The following DAAM2 variants were observed in gnomAD, a reference collection of about 807,000 sequenced individuals.
DAAM2 encodes the protein dishevelled associated activator of morphogenesis 2.
A neutral mutation model predicts 120.7 loss-of-function variants in DAAM2; 39 were observed. The observed-to-expected ratio is 0.32, with a 90% confidence interval of 0.25 to 0.42. The LOEUF (loss-of-function observed/expected upper bound fraction) is 0.42, where lower values mean the gene tolerates loss of function less well. Among genes scored for constraint, DAAM2 ranks in the 10% least tolerant of loss-of-function variants. The probability of loss-of-function intolerance (pLI) is 1.00; values close to 1 mark genes in which losing one functional copy is unlikely to be tolerated. For synonymous variants in DAAM2, 488 were observed against 524.9 expected (o/e 0.93, Z 0.96); for missense variants, 1,283 against 1,401.7 (o/e 0.92, Z 1.35).
At chr6:39,805,486 C>G (rs1761982508) in intron 1 of DAAM2, among the ~76,000 whole-genome samples, 2 of 151,940 alleles carry the variant, frequency 1.3e-5, no homozygotes, top group Middle Eastern at 6.8e-3. Flanking sequence ...TACTGCAACA[C>G]ATGGATGAGG....
intron 1 of DAAM2, among the ~76,000 whole-genome samples, chr6:39,851,075 C>A (rs1763790657): frequency 6.6e-6 from 1 of 152,144 alleles, no homozygotes; most frequent in African/African-American, 2.4e-5. Context: ...ATAATAACCA[C>A]CTTATAAGGT....
At chr6:39,803,185 T>C (rs916481010) in intron 1 of DAAM2, among the ~76,000 whole-genome samples, 5 of 152,234 alleles carry the variant, frequency 3.3e-5, no homozygotes, top group African/African-American at 1.2e-4. Context: ...AATGCGTTTT[T>C]CTTGGTATAT....
chr6:39,814,466 G>A (rs1488563828), intron 1 of DAAM2, among the ~76,000 whole-genome samples: 1 of 152,206 alleles, frequency 6.6e-6, no homozygotes, highest in East Asian at 1.9e-4. Flanking sequence ...TTGGCGTTGG[G>A]TGAGCACTGT....
chr6:39,831,798 G>T (rs114938516), intron 1 of DAAM2, among the ~76,000 whole-genome samples: 2 of 62,858 alleles, frequency 3.2e-5, no homozygotes, highest in African/African-American at 9.4e-5. Context: ...GGTGCACTGG[G>T]GGGGGGCAGG....
intron 14 of DAAM2, among the ~76,000 whole-genome samples, chr6:39,881,114 T>C (rs943082560): frequency 6.6e-6 from 1 of 152,216 alleles, no homozygotes; most frequent in African/African-American, 2.4e-5. Flanking sequence ...GCAAGCAATA[T>C]TTGTGCAACA....
At chr6:39,826,539 C>G (rs903081797) in intron 1 of DAAM2, among the ~76,000 whole-genome samples, 7 of 152,110 alleles carry the variant, frequency 4.6e-5, no homozygotes, top group Non-Finnish European at 8.8e-5. Flanking sequence ...GCTGATATGC[C>G]CAATAGCTCC....
chr6:39,807,585 C>T (rs779135078), intron 1 of DAAM2, among the ~76,000 whole-genome samples: 5 of 152,124 alleles, frequency 3.3e-5, no homozygotes, highest in Non-Finnish European at 7.4e-5. Flanking sequence ...GGCGTGACCT[C>T]TTTTCACTGC....
intron 1 of DAAM2, among the ~76,000 whole-genome samples, chr6:39,796,719 G>A (rs1020862638): frequency 6.6e-6 from 1 of 151,354 alleles, no homozygotes; most frequent in African/African-American, 2.4e-5. Context: ...ATTATTTGTG[G>A]TACATCCTAT....
Position 39,888,668 on chromosome 6 carries a change from T to A in DAAM2, c.2061-11T>A, listed in dbSNP as rs1414113595. 1 of 1,611,670 alleles carries A rather than the reference T, an allele frequency of 6.2e-7. No homozygotes were observed. The highest frequency in any genetic ancestry group is 1.7e-5 in the Admixed American group (1 of 59,938). On this transcript the variant is annotated splice_polypyrimidine_tract_variant and intron_variant, in intron 16 of 24. Transcript: ENST00000274867. ...AGGGCTGTCCTGGATTGAGGTGGGG[T>A]TTTGCCTTAGGTTGAAGCTTTCTAA...
chr6:39,867,119 G>A (rs1044810255), intron 5 of DAAM2, among the ~76,000 whole-genome samples: 36 of 152,212 alleles, frequency 2.4e-4, no homozygotes, highest in African/African-American at 8.2e-4. Context: ...TTAACGCCAT[G>A]ACTTGATGAT....
rs1409295159 is a variant in DAAM2, at chr6:39,901,547, T to G, written c.2982+75T>G. On this transcript the variant is annotated intron_variant, in intron 24 of 24. Coordinates refer to ENST00000274867, the MANE Select transcript of DAAM2 (RefSeq NM_001201427.2). The surrounding 1 kb of genome is among the most constrained non-coding windows in gnomAD (Gnocchi z 4.5). ...GGGAGAACACCCCCAAACTGGGGTG[T>G]GTGGGAGGAGGGCAGAGACTGAGGA... is the stretch of plus-strand genomic sequence containing the variant. The G allele has an allele frequency of 3.0e-5, 45 of 1,498,446 alleles. No individual in the cohort carries two copies. Among genetic ancestry groups the G allele is most frequent in the Non-Finnish European group, 4.0e-5 (45 of 1,113,472 alleles). 92.8% of individuals were successfully genotyped at this position (1,498,446 alleles called of 1,614,324 possible).
At chr6:39,899,674 C>T (rs139463441) in intron 22 of DAAM2, 11 of 167,980 alleles carry the variant, frequency 6.5e-5, no homozygotes, top group East Asian at 3.6e-4. Flanking sequence ...ACTCAAAGTG[C>T]GGTACATGGA....
chr6:39,885,033 C>T (rs1765313847), intron 15 of DAAM2: 1 of 152,220 alleles, frequency 6.6e-6, no homozygotes, highest in Non-Finnish European at 1.5e-5. Context: ...GTTTTCTTTA[C>T]TTAGCCTGGG....
Position 39,818,296 on chromosome 6 carries a change from G to A in DAAM2, c.-57+25831G>A, listed in dbSNP as rs147164172. On this transcript the variant is annotated intron_variant, in intron 1 of 24. Transcript: ENST00000274867. ...AAAATTAACCCTTCATATTTTCAGC[G>A]AATGGGCCAAAGTTAGCCACATGAC... Among the ~76,000 whole-genome samples, 1,162 of 151,072 alleles carry A rather than the reference G, an allele frequency of 7.7e-3. 8 individuals are homozygous for A. Among genetic ancestry groups the A allele is most frequent in the Non-Finnish European group, 0.013 (868 of 67,902 alleles).
rs1221729464 is a variant in DAAM2, at chr6:39,901,786, T to A, written c.2983-27T>A. On this transcript the variant is annotated intron_variant, in intron 24 of 24. Transcript: ENST00000274867. This position sits in a 1 kb window ranked among gnomAD's most constrained non-coding sequence, Gnocchi z 4.5. ...GCCTCAGCGCCTCTCCCTGAGAGGG[T>A]TCCTATCTTTGGCCCCCCGCCCGCA... The A allele has an allele frequency of 3.3e-6, 5 of 1,502,228 alleles. No individual in the cohort carries two copies. In the Admixed American group the frequency reaches 1.1e-4, roughly 32 times the overall value. The allele number at this position is 1,502,228 out of a possible 1,614,324, so 93.1% of individuals were successfully genotyped here.
intron 1 of DAAM2, among the ~76,000 whole-genome samples, chr6:39,801,581 A>G (rs1761864657): frequency 6.6e-6 from 1 of 152,228 alleles, no homozygotes; most frequent in African/African-American, 2.4e-5. Flanking sequence ...TCATGACTGC[A>G]TGGCTGTCTG....
At chr6:39,857,264 A>G (rs1764046036) in intron 2 of DAAM2, among the ~76,000 whole-genome samples, 1 of 152,210 alleles carries the variant, frequency 6.6e-6, no homozygotes, top group Non-Finnish European at 1.5e-5. Flanking sequence ...ATGTTCATCT[A>G]CCATTAGCTC....
At chr6:39,811,049 C>T (rs1044744087) in intron 1 of DAAM2, among the ~76,000 whole-genome samples, 4 of 152,088 alleles carry the variant, frequency 2.6e-5, no homozygotes, top group African/African-American at 9.7e-5. Flanking sequence ...CTTGCCAAGT[C>T]CTCAGATATG....
At chr6:39,896,747 G>A in intron 19 of DAAM2, 65 bp from the exon 20 acceptor site, 1 of 1,393,458 alleles carries the variant, frequency 7.2e-7, no homozygotes, top group Non-Finnish European at 9.5e-7. Flanking sequence ...ATCTTCCTGG[G>A]GTGCAATGAG....
Sources: allele counts gnomAD v4.1 joint callset (sites outside exome capture counted in the v4.1 genomes callset), GRCh38; gene constraint gnomAD v4.1.1; non-coding constraint Gnocchi (gnomAD v3.1); transcripts MANE v1.5; gene names NCBI Gene and HGNC (gene_info 2026-07-23, HGNC 2026-07-21).